BCL11B: variants seen among roughly 807,000 people sequenced by gnomAD.
The protein encoded by BCL11B is BCL11 transcription factor B.
Under a neutral mutation model 49.9 loss-of-function variants are expected in BCL11B, and 8 were observed. The observed-to-expected ratio is 0.16, with a 90% CI of 0.09 to 0.29. The LOEUF is 0.29. Ranked by LOEUF, BCL11B falls within the 10% of genes least tolerant of loss-of-function variation. The pLI is 1.00. For synonymous variants in BCL11B, 739 were observed against 637.4 expected (o/e 1.16, Z -2.40); for missense variants, 1,006 against 1,351.0 (o/e 0.74, Z 4.00).
intron 1 of BCL11B, among the ~76,000 whole-genome samples, chr14:99,259,840 C>T (rs1057046766): frequency 6.6e-5 from 10 of 152,198 alleles, no homozygotes; most frequent in African/African-American, 2.4e-4. Context: ...AATGTAATCA[C>T]AACCTTCCCA....
intron 2 of BCL11B, among the ~76,000 whole-genome samples, chr14:99,237,262 T>A (rs1224189880): frequency 6.6e-6 from 1 of 151,660 alleles, no homozygotes; most frequent in African/African-American, 2.4e-5. Context: ...AGCTTTTAAT[T>A]ACCAAGGTCT....
In BCL11B at chr14:99,176,058, T is replaced by A; in HGVS notation, c.778A>T (p.Thr260Ser). 1.2e-6 allele frequency: 2 copies of A among 1,601,096 alleles called. No individual in the cohort carries two copies. Among genetic ancestry groups the A allele is most frequent in the Non-Finnish European group, 1.7e-6 (2 of 1,173,764 alleles). ...LEPGPASSSLTPRLTIPPPLG... is the reference protein window; with the variant it reads ...LEPGPASSSLSPRLTIPPPLG... The stretch of plus-strand genomic sequence containing the variant: ...GGCGGCGGGATGGTGAGCCGCGGCG[T>A]GAGCGAGCTGCTGGCCGGCCCGGGC... Residue 260 changes from threonine (T) to serine (S), a missense_variant, in exon 4 of 4, where the codon ACG (threonine) becomes TCG (serine). Around this residue, in one of 6 missense-constraint regions of BCL11B, gnomAD observed 411 missense variants for 542.2 expected, o/e 0.76. Transcript: ENST00000357195.
In BCL11B at chr14:99,188,537, CCTGGGGCTGGGGCTGGGGCTGGGG is replaced by C. The variant is rs71110575; in HGVS notation, c.641-12366_641-12343del. ...ATACATCTCTCCAACCAATGGCTGG[CCTGGGGCTGGGGCTGGGGCTGGGG>C]CTGGGGCTGGGGCTGGGGCTGGGGC... On this transcript the variant is annotated intron_variant, in intron 3 of 3. Coordinates refer to ENST00000357195, the MANE Select transcript of BCL11B (RefSeq NM_138576.4). Among the ~76,000 whole-genome samples the C allele has an allele frequency of 3.7e-4, 51 of 136,174 alleles. No homozygotes were observed. In the East Asian group the frequency reaches 4.1e-3, roughly 11 times the overall value. 89.3% of individuals were successfully genotyped at this position (136,174 alleles called of 152,430 possible). A position where few individuals can be genotyped will look rare whatever the true frequency, so the allele number is the denominator to read the frequency against.
In BCL11B at chr14:99,271,336, G is replaced by GCCGCCT; in HGVS notation, c.-119_-118insAGGCGG. On this transcript the variant is annotated 5_prime_UTR_variant, in exon 1 of 4. Coordinates refer to ENST00000357195, the MANE Select transcript of BCL11B (RefSeq NM_138576.4). The stretch of plus-strand genomic sequence containing the variant: ...CGCTGCCGCCGCCGCCGCCGCCGCC[G>GCCGCCT]CACCTCCTCCTCTGCCCGGGTTGGT... 1.5e-6 allele frequency: 1 copy of GCCGCCT among 671,224 alleles called. No individual in the cohort carries two copies. The highest frequency in any genetic ancestry group is 2.0e-6 in the Non-Finnish European group (1 of 493,694). The allele number at this position is 671,224 out of a possible 1,614,324, so 41.6% of individuals were successfully genotyped here. A position where few individuals can be genotyped will look rare whatever the true frequency, so the allele number is the denominator to read the frequency against.
chr14:99,265,589 G>T (rs759029592), intron 1 of BCL11B, among the ~76,000 whole-genome samples: 1 of 152,154 alleles, frequency 6.6e-6, no homozygotes, highest in Non-Finnish European at 1.5e-5. Context: ...GATTTTTAAC[G>T]GTTTTCTGCA....
At chr14:99,222,344 T>G (rs1164533439) in intron 3 of BCL11B, among the ~76,000 whole-genome samples, 3 of 152,176 alleles carry the variant, frequency 2.0e-5, no homozygotes, top group Non-Finnish European at 2.9e-5. Context: ...TTTTCTGTGT[T>G]TCCTCTTTCT....
Position 99,172,845 on chromosome 14 carries a change from G to C in BCL11B, c.*1306C>G, listed in dbSNP as rs1224248948. ...AGTACCTTCCAACCTAATGAGATAG[G>C]AAAAAAAAAATAAAAACCTGGGAAG... On this transcript the variant is annotated 3_prime_UTR_variant, in exon 4 of 4. Coordinates refer to ENST00000357195, the MANE Select transcript of BCL11B (RefSeq NM_138576.4). 2 of 215,200 alleles carry C rather than the reference G, an allele frequency of 9.3e-6. No individual in the cohort carries two copies. The highest frequency in any genetic ancestry group is 1.4e-4 in the East Asian group (2 of 14,552). The allele number at this position is 215,200 out of a possible 1,614,324, so 13.3% of individuals were successfully genotyped here.
rs1315083981 is a variant in BCL11B, at chr14:99,205,565, T to C, written c.640+25780A>G. 6.6e-6 allele frequency among the ~76,000 whole-genome samples: 1 copy of C among 152,160 alleles called. No homozygotes were observed. Among genetic ancestry groups the C allele is most frequent in the Non-Finnish European group, 1.5e-5 (1 of 68,040 alleles). ...CCTGGGCGCTCTGTGAACTTTGTGA[T>C]GCCTGAGATGAGCTCCCTTTTCCAG... is the stretch of plus-strand genomic sequence containing the variant. On this transcript the variant is annotated intron_variant, in intron 3 of 3. Coordinates refer to ENST00000357195, the MANE Select transcript of BCL11B (RefSeq NM_138576.4). The surrounding 1 kb of genome is among the most constrained non-coding windows in gnomAD (Gnocchi z 5.0).
In BCL11B at chr14:99,213,001, A is replaced by C. The variant is rs545828129; in HGVS notation, c.640+18344T>G. ...CTGGGAGGATAAAATAACATCACTG[A>C]GGGAACAAAACCAAGCCTGTCTCCA... On this transcript the variant is annotated intron_variant, in intron 3 of 3. Transcript: ENST00000357195. The surrounding 1 kb of genome is among the most constrained non-coding windows in gnomAD (Gnocchi z 5.1). Among the ~76,000 whole-genome samples, 2 of 152,298 alleles carry C rather than the reference A, an allele frequency of 1.3e-5. No individual in the cohort carries two copies. The highest frequency in any genetic ancestry group is 2.9e-5 in the Non-Finnish European group (2 of 68,010).
rs1889685838 is a variant in BCL11B, at chr14:99,271,460, A to G, written c.-242T>C. ...GTTTTTTGTTTTGTTTGCAAAAAGA[A>G]AAAAAAGGGAAGAAAAGCAAGAAAA... is the stretch of plus-strand genomic sequence containing the variant. On this transcript the variant is annotated 5_prime_UTR_variant, in exon 1 of 4. Coordinates refer to ENST00000357195, the MANE Select transcript of BCL11B (RefSeq NM_138576.4). The G allele has an allele frequency of 4.1e-6, 1 of 245,848 alleles. No individual in the cohort carries two copies. The highest frequency in any genetic ancestry group is 2.2e-5 in the African/African-American group (1 of 45,186). 15.2% of individuals were successfully genotyped at this position (245,848 alleles called of 1,614,324 possible).
intron 3 of BCL11B, among the ~76,000 whole-genome samples, chr14:99,212,597 G>A (rs560297395): frequency 5.3e-5 from 8 of 152,258 alleles, no homozygotes; most frequent in Non-Finnish European, 8.8e-5. Flanking sequence ...GACCCACCCC[G>A]TGATAGGTGT....
In BCL11B at chr14:99,173,743, T is replaced by C. The variant is rs990036456; in HGVS notation, c.*408A>G. On this transcript the variant is annotated 3_prime_UTR_variant, in exon 4 of 4. Transcript: ENST00000357195. Reference sequence around the variant, plus strand: ...CACCACCCCTCCCCCCAAATTATAATTTAAAAGATATGCTTCCCCTCTAAC... The same window carrying C: ...CACCACCCCTCCCCCCAAATTATAACTTAAAAGATATGCTTCCCCTCTAAC... 4.6e-5 allele frequency: 11 copies of C among 239,566 alleles called. No individual in the cohort carries two copies. Among genetic ancestry groups the C allele is most frequent in the African/African-American group, 2.4e-4 (11 of 45,198 alleles). 14.8% of individuals were successfully genotyped at this position (239,566 alleles called of 1,614,324 possible). A position where few individuals can be genotyped will look rare whatever the true frequency, so the allele number is the denominator to read the frequency against.
At chr14:99,236,443 T>G (rs1888501911) in intron 2 of BCL11B, among the ~76,000 whole-genome samples, 1 of 152,106 alleles carries the variant, frequency 6.6e-6, no homozygotes, top group African/African-American at 2.4e-5. Context: ...TTAGGATTCT[T>G]TTTCCGGTTT....
At position 99,232,302 on chromosome 14, in the gene BCL11B, G is replaced by A. The variant is rs559187996; in HGVS notation, c.428-745C>T. On this transcript the variant is annotated intron_variant, in intron 2 of 3. Transcript: ENST00000357195. This position sits in a 1 kb window ranked among gnomAD's most constrained non-coding sequence, Gnocchi z 5.1. ...AGGACACAGGGCCAGGGCCGGCCCC[G>A]CCTCTGCCCAGCCCCACAGCTCGCT... Among the ~76,000 whole-genome samples, 22 of 152,314 alleles carry A rather than the reference G, an allele frequency of 1.4e-4. No individual in the cohort carries two copies. Among genetic ancestry groups the A allele is most frequent in the Non-Finnish European group, 3.1e-4 (21 of 68,024 alleles).
intron 3 of BCL11B, among the ~76,000 whole-genome samples, chr14:99,188,659 G>GC (rs1386682163): frequency 1.3e-5 from 2 of 152,298 alleles, no homozygotes; most frequent in Admixed American, 1.3e-4. Context: ...GACAAGGCTG[G>GC]CCATAGGGAG....
intron 3 of BCL11B, among the ~76,000 whole-genome samples, chr14:99,207,607 C>G (rs1268794604): frequency 6.6e-6 from 1 of 152,214 alleles, no homozygotes; most frequent in Non-Finnish European, 1.5e-5. Flanking sequence ...CAATCTGTGC[C>G]CTGGAGGCCT....
At chr14:99,237,489 T>C (rs1189061082) in intron 2 of BCL11B, among the ~76,000 whole-genome samples, 2 of 152,138 alleles carry the variant, frequency 1.3e-5, no homozygotes, top group African/African-American at 4.8e-5. Flanking sequence ...CTGGGGGACC[T>C]AGAAATGCCA....
intron 3 of BCL11B, among the ~76,000 whole-genome samples, chr14:99,196,151 G>C (rs1176913659): frequency 6.6e-6 from 1 of 152,164 alleles, no homozygotes; most frequent in Non-Finnish European, 1.5e-5. Flanking sequence ...GAAGGTGCTT[G>C]TTGCATTCCC....
rs141734257 is a variant in BCL11B at position 99,247,036 on chromosome 14, C to G, written c.427+10435G>C. ...CCTGGAGCCTCGCGTCCCGCCTCCC[C>G]GCAACACGCTGTTTTCAGCGTTCCA... On this transcript the variant is annotated intron_variant, in intron 2 of 3. Transcript: ENST00000357195. The surrounding 1 kb of genome is among the most constrained non-coding windows in gnomAD (Gnocchi z 4.5). Among the ~76,000 whole-genome samples, 1 of 152,118 alleles carries G rather than the reference C, an allele frequency of 6.6e-6. No individual in the cohort carries two copies. The highest frequency in any genetic ancestry group is 1.5e-5 in the Non-Finnish European group (1 of 68,000).
Sources: allele counts gnomAD v4.1 joint callset (sites outside exome capture counted in the v4.1 genomes callset), GRCh38; gene constraint gnomAD v4.1.1; regional missense constraint gnomAD v4.1.1; non-coding constraint Gnocchi (gnomAD v3.1); transcripts MANE v1.5; gene names NCBI Gene and HGNC (gene_info 2026-07-23, HGNC 2026-07-21).